The following ZFPM2 variants were observed in gnomAD, a reference collection of about 807,000 sequenced individuals.
ZFPM2 encodes the protein zinc finger protein, FOG family member 2.
A neutral mutation model predicts 98.6 loss-of-function variants in ZFPM2; 20 were observed. That is an observed-to-expected ratio of 0.20 (90% confidence interval 0.14 to 0.29). The LOEUF is 0.29. Ranked by LOEUF, ZFPM2 falls within the 10% of genes least tolerant of loss-of-function variation. ZFPM2 has a pLI of 1.00. For missense variants in ZFPM2, 1,310 were observed against 1,388.6 expected (o/e 0.94, Z 0.90); for synonymous variants, 518 against 502.7 (o/e 1.03, Z -0.41).
chr8:105,418,872 T>C, intron 1 of ZFPM2: 1 of 562,864 alleles, frequency 1.8e-6, no homozygotes. Context: ...AAAATAAGTT[T>C]GGGGCTTGAG....
intron 4 of ZFPM2, among the ~76,000 whole-genome samples, chr8:105,587,604 T>C (rs62527237): frequency 0.18 from 27,383 of 152,180 alleles, 2,596 homozygotes; most frequent in Middle Eastern, 0.24. Flanking sequence ...AAATTGCTGG[T>C]AGGTCTCTTT....
intron 1 of ZFPM2, among the ~76,000 whole-genome samples, chr8:105,374,889 ATT>A (rs201108334): frequency 2.0e-5 from 3 of 147,570 alleles, no homozygotes; most frequent in African/African-American, 7.4e-5. Flanking sequence ...TAAAGACAAC[ATT>A]TTTTTTTTTG....
intron 1 of ZFPM2, among the ~76,000 whole-genome samples, chr8:105,372,014 A>ATTG (rs1810631314): frequency 3.6e-5 from 1 of 27,720 alleles, no homozygotes; most frequent in Admixed American, 5.0e-4. Context: ...AATTATTATT[A>ATTG]TTATTATTAT....
At chr8:105,788,293 A>C (rs2131134628) in intron 5 of ZFPM2, among the ~76,000 whole-genome samples, 1 of 152,264 alleles carries the variant, frequency 6.6e-6, no homozygotes, top group South Asian at 2.1e-4. Flanking sequence ...GGAGAGAGAT[A>C]AATAACTTTT....
intron 3 of ZFPM2, among the ~76,000 whole-genome samples, chr8:105,470,868 A>G (rs748402042): frequency 2.6e-5 from 4 of 152,102 alleles, no homozygotes; most frequent in Admixed American, 1.3e-4. Flanking sequence ...AAATTTTTAG[A>G]TATTTTACAT....
chr8:105,714,707 A>G (rs1419672732), intron 5 of ZFPM2, among the ~76,000 whole-genome samples: 1 of 152,088 alleles, frequency 6.6e-6, no homozygotes, highest in Non-Finnish European at 1.5e-5. Context: ...GTTCAGTGAC[A>G]TAACATTGGT....
chr8:105,711,714 A>G (rs1811405411), intron 5 of ZFPM2, among the ~76,000 whole-genome samples: 1 of 151,974 alleles, frequency 6.6e-6, no homozygotes, highest in Non-Finnish European at 1.5e-5. Flanking sequence ...TATCTCCTCC[A>G]TAAGAAAGTC....
chr8:105,513,629 T>C (rs1813859423), intron 3 of ZFPM2, among the ~76,000 whole-genome samples: 1 of 152,254 alleles, frequency 6.6e-6, no homozygotes, highest in Non-Finnish European at 1.5e-5. Context: ...TTGTGAAAGA[T>C]GGAAGTGTAC....
intron 1 of ZFPM2, among the ~76,000 whole-genome samples, chr8:105,368,711 A>G (rs1373174506): frequency 6.6e-6 from 1 of 152,112 alleles, no homozygotes; most frequent in Non-Finnish European, 1.5e-5. Flanking sequence ...TATGGAATGT[A>G]CTGTTTCCCT....
At chr8:105,749,008 C>T (rs1239160369) in intron 5 of ZFPM2, among the ~76,000 whole-genome samples, 1 of 151,984 alleles carries the variant, frequency 6.6e-6, no homozygotes, top group Non-Finnish European at 1.5e-5. Context: ...TGGCTCTATC[C>T]ATACTGTTGG....
intron 5 of ZFPM2, among the ~76,000 whole-genome samples, chr8:105,768,080 A>G (rs1025672406): frequency 2.7e-5 from 4 of 148,028 alleles, no homozygotes; most frequent in Admixed American, 1.3e-4. Context: ...GAACAAACAC[A>G]TATTCCTCTC....
intron 6 of ZFPM2, among the ~76,000 whole-genome samples, chr8:105,794,905 C>G (rs1057218857): frequency 1.3e-5 from 2 of 152,214 alleles, no homozygotes; most frequent in African/African-American, 4.8e-5. Context: ...ATATAATCTC[C>G]TGGTGCGCCA....
chr8:105,592,033 A>C (rs527879433), intron 4 of ZFPM2, among the ~76,000 whole-genome samples: 2 of 152,250 alleles, frequency 1.3e-5, no homozygotes, highest in African/African-American at 4.8e-5. Flanking sequence ...TCAGATCACT[A>C]TTAGGCTTAC....
At chr8:105,505,224 A>T (rs546182643) in intron 3 of ZFPM2, among the ~76,000 whole-genome samples, 31 of 152,302 alleles carry the variant, frequency 2.0e-4, no homozygotes, top group African/African-American at 7.0e-4. Flanking sequence ...TAATTTAAGG[A>T]GCAAACTTGG....
At chr8:105,513,900 C>A (rs1315003843) in intron 3 of ZFPM2, among the ~76,000 whole-genome samples, 1 of 152,098 alleles carries the variant, frequency 6.6e-6, no homozygotes, top group Non-Finnish European at 1.5e-5. Context: ...TAATCACTCA[C>A]TCTCATTCTG....
chr8:105,443,332 A>AAAAAAAAAAAAAAC lies in ZFPM2; in HGVS notation c.200-941_200-940insAAAAAACAAAAAAA, dbSNP rs1812304004. On this transcript the variant is annotated intron_variant, in intron 2 of 7. Transcript: ENST00000407775. ...CTTCTCAAAAAACAAAAAACAAAAA[A>AAAAAAAAAAAAAAC]AAAAAAACTTGGCATTATTAAATTC... Among the ~76,000 whole-genome samples, 6 of 150,796 alleles carry AAAAAAAAAAAAAAC rather than the reference A, an allele frequency of 4.0e-5. No homozygotes were observed. In the South Asian group the frequency reaches 1.3e-3, roughly 32 times the overall value.
At chr8:105,795,715 A>G (rs1390022832) in intron 6 of ZFPM2, 2 of 400,270 alleles carry the variant, frequency 5.0e-6, no homozygotes, top group Non-Finnish European at 9.6e-6. Flanking sequence ...CTTCATAAAA[A>G]AGAAATTGAA....
intron 5 of ZFPM2, among the ~76,000 whole-genome samples, chr8:105,699,294 T>C (rs1811088545): frequency 6.6e-6 from 1 of 152,194 alleles, no homozygotes; most frequent in Non-Finnish European, 1.5e-5. Context: ...AATCTGTTTT[T>C]ACATAAGTTC....
chr8:105,599,141 G>A (rs1029904775), intron 4 of ZFPM2, among the ~76,000 whole-genome samples: 9 of 151,928 alleles, frequency 5.9e-5, no homozygotes, highest in African/African-American at 1.4e-4. Flanking sequence ...AAAATTAAAA[G>A]GCCACCTTGC....
Sources: gnomAD v4.1 joint callset for allele counts (sites outside exome capture counted in the v4.1 genomes callset) on GRCh38, gnomAD v4.1.1 for gene constraint, MANE v1.5 for transcripts, NCBI Gene and HGNC (gene_info 2026-07-23, HGNC 2026-07-21) for gene names.